INPP5D: variants seen among roughly 807,000 people sequenced by gnomAD.
INPP5D encodes phosphatidylinositol 3,4,5-trisphosphate 5-phosphatase 1.
INPP5D carries 33 observed loss-of-function variants against 122.9 expected under a neutral mutation model. The ratio of observed to expected loss-of-function variants is 0.27; its 90% CI spans 0.20 to 0.36. The LOEUF is 0.36. Ranked by LOEUF, INPP5D falls within the 10% of genes least tolerant of loss-of-function variation. INPP5D has a pLI of 1.00. For synonymous variants in INPP5D, 584 were observed against 576.2 expected, an observed-to-expected ratio of 1.01 and a Z score of -0.19; for missense variants, 1,053 against 1,412.7, an observed-to-expected ratio of 0.75 and a Z score of 4.08.
chr2:233,111,746 A>G (rs557690150), intron 2 of INPP5D, among the ~76,000 whole-genome samples: 2 of 152,310 alleles, frequency 1.3e-5, no homozygotes, highest in Non-Finnish European at 2.9e-5. Flanking sequence ...AGGATTGTAA[A>G]GTTACTAGTT....
At chr2:233,162,634 C>T (rs1391457678) in intron 11 of INPP5D, among the ~76,000 whole-genome samples, 1 of 152,120 alleles carries the variant, frequency 6.6e-6, no homozygotes, top group Non-Finnish European at 1.5e-5. Context: ...ATTCTAAAAA[C>T]TACCAGTTTA....
Position 233,198,393 on chromosome 2 carries a change from T to C in INPP5D, c.2975+17T>C. 2 of 1,597,416 alleles carry C rather than the reference T, an allele frequency of 1.3e-6. No homozygotes were observed. Among genetic ancestry groups the C allele is most frequent in the Non-Finnish European group, 1.7e-6 (2 of 1,167,854 alleles). Reference sequence around the variant, plus strand: ...GGAGTCAAGGTGAGCATCCTCTTCATTAAGACGGCTCCCTCCCTCCTTATG... The same window carrying C: ...GGAGTCAAGGTGAGCATCCTCTTCACTAAGACGGCTCCCTCCCTCCTTATG... On this transcript the variant is annotated intron_variant, in intron 25 of 26. Transcript: ENST00000445964.
At chr2:233,175,518 G>A (rs1030211153) in intron 17 of INPP5D, among the ~76,000 whole-genome samples, 2 of 152,144 alleles carry the variant, frequency 1.3e-5, no homozygotes, top group Non-Finnish European at 2.9e-5. Context: ...TTAGGATGAT[G>A]GCGGTTTTCT....
intron 2 of INPP5D, among the ~76,000 whole-genome samples, chr2:233,119,363 T>C (rs1692898342): frequency 6.6e-6 from 1 of 152,226 alleles, no homozygotes; most frequent in African/African-American, 2.4e-5. Context: ...ACGACTGCTT[T>C]AACTGAATTG....
chr2:233,169,762 T>C, intron 14 of INPP5D: 2 of 615,634 alleles, frequency 3.2e-6, no homozygotes, highest in Non-Finnish European at 5.5e-6. Flanking sequence ...ATCTTCACTG[T>C]TCTGATTCTC....
intron 22 of INPP5D, among the ~76,000 whole-genome samples, chr2:233,191,518 A>G (rs56063952): frequency 0.25 from 37,523 of 152,126 alleles, 4,748 homozygotes; most frequent in East Asian, 0.35. Context: ...AGACCAAGGC[A>G]CAGCCACAGC....
intron 8 of INPP5D, 34 bp downstream of exon 8, chr2:233,146,472 G>T: frequency 2.8e-6 from 2 of 703,264 alleles, no homozygotes; most frequent in South Asian, 3.0e-5. Context: ...GCCTGGGCTT[G>T]GGCTCCACAG....
intron 3 of INPP5D, among the ~76,000 whole-genome samples, chr2:233,124,858 C>G (rs72984294): frequency 6.6e-6 from 1 of 152,236 alleles, no homozygotes; most frequent in Non-Finnish European, 1.5e-5. Context: ...CAGAGCAATG[C>G]GACATGAGGC....
At chr2:233,110,051 AT>A (rs34202139) in intron 2 of INPP5D, among the ~76,000 whole-genome samples, 42,047 of 136,418 alleles carry the variant, frequency 0.31, 7,364 homozygotes, top group African/African-American at 0.53. Context: ...TGCTCAGCTA[AT>A]TTTTTTTTTT....
At chr2:233,088,909 C>T (rs757627977) in intron 2 of INPP5D, among the ~76,000 whole-genome samples, 1 of 152,202 alleles carries the variant, frequency 6.6e-6, no homozygotes, top group African/African-American at 2.4e-5. Context: ...ACTGCCCGAT[C>T]GGGGCCCAGG....
At chr2:233,101,865 A>T (rs558929210) in intron 2 of INPP5D, among the ~76,000 whole-genome samples, 1 of 151,340 alleles carries the variant, frequency 6.6e-6, no homozygotes, top group Admixed American at 6.6e-5. Flanking sequence ...TGTTTTTTCT[A>T]CCTGCCTGGT....
chr2:233,080,483 T>A (rs1449845498), intron 2 of INPP5D, among the ~76,000 whole-genome samples: 1 of 145,474 alleles, frequency 6.9e-6, no homozygotes, highest in African/African-American at 2.6e-5. Flanking sequence ...GAGAGAGAGA[T>A]GCTCAGTTCT....
intron 5 of INPP5D, among the ~76,000 whole-genome samples, chr2:233,133,626 T>G (rs1693390525): frequency 6.6e-6 from 1 of 152,214 alleles, no homozygotes; most frequent in African/African-American, 2.4e-5. Context: ...GATTATTCAT[T>G]GTTTATCTGA....
intron 8 of INPP5D, among the ~76,000 whole-genome samples, chr2:233,147,248 C>T (rs1057321081): frequency 6.6e-6 from 1 of 152,180 alleles, no homozygotes; most frequent in African/African-American, 2.4e-5. Context: ...AACGGCTCCC[C>T]CACACACAGT....
rs986710229 is a variant in INPP5D at position 233,170,644 on chromosome 2, C to T, written c.1900+40C>T. 2.5e-6 allele frequency: 4 copies of T among 1,605,684 alleles called. No homozygotes were observed. The highest frequency in any genetic ancestry group is 3.4e-6 in the Non-Finnish European group (4 of 1,175,204). On this transcript the variant is annotated intron_variant, in intron 16 of 26. Coordinates refer to ENST00000445964, the MANE Select transcript of INPP5D (RefSeq NM_001017915.3). The surrounding 1 kb of genome is among the most constrained non-coding windows in gnomAD (Gnocchi z 4.5). ...CCCGGCTGGGAGCGGTGGCTCACACCTGTAATCCCAGCACTTTAGGAGGCC... is the reference window on the plus strand; with the variant it reads ...CCCGGCTGGGAGCGGTGGCTCACACTTGTAATCCCAGCACTTTAGGAGGCC...
intron 14 of INPP5D, 104 bp downstream of exon 14, chr2:233,169,505 C>G (rs905420769): frequency 5.3e-6 from 8 of 1,498,878 alleles, no homozygotes; most frequent in Middle Eastern, 1.8e-4. Flanking sequence ...CTGCCTTTGA[C>G]CTTGTGGATG....
intron 9 of INPP5D, 71 bp downstream of exon 9, chr2:233,147,665 T>C (rs1693804506): frequency 5.8e-6 from 4 of 688,668 alleles, no homozygotes; most frequent in Non-Finnish European, 1.1e-5. Flanking sequence ...TCAGCTCACC[T>C]CTCAGAAGGC....
At chr2:233,064,071 C>A (rs1203078147) in intron 1 of INPP5D, among the ~76,000 whole-genome samples, 1 of 152,290 alleles carries the variant, frequency 6.6e-6, no homozygotes, top group Non-Finnish European at 1.5e-5. Flanking sequence ...TCCCCTTGTG[C>A]AATCTGCACA....
chr2:233,081,048 A>T (rs975583595), intron 2 of INPP5D, among the ~76,000 whole-genome samples: 4 of 152,206 alleles, frequency 2.6e-5, no homozygotes, highest in Non-Finnish European at 4.4e-5. Context: ...TCTAAGGCAC[A>T]TCTGCTGAAG....
Sources: gnomAD v4.1 joint callset for allele counts (sites outside exome capture counted in the v4.1 genomes callset) on GRCh38, gnomAD v4.1.1 for gene constraint, Gnocchi (gnomAD v3.1) non-coding constraint, MANE v1.5 for transcripts, NCBI Gene and HGNC (gene_info 2026-07-23, HGNC 2026-07-21) for gene names.